MUC13: variants seen among roughly 807,000 people sequenced by gnomAD.
MUC13 encodes mucin 13, cell surface associated.
A neutral mutation model predicts 48.3 loss-of-function variants in MUC13; 32 were observed. The observed-to-expected ratio is 0.66, with a 90% CI of 0.50 to 0.89. MUC13 has a LOEUF of 0.89. Ranked by LOEUF, MUC13 falls within the 40% of genes least tolerant of loss-of-function variation. The pLI is 0.00. For missense variants in MUC13, 571 were observed against 622.8 expected (o/e 0.92, Z 0.88); for synonymous variants, 199 against 224.9 (o/e 0.88, Z 1.03).
chr3:124,920,355 A>T, intron 4 of MUC13, 66 bp from the exon 5 acceptor site: 4 of 1,243,310 alleles, frequency 3.2e-6, no homozygotes, highest in Non-Finnish European at 4.6e-6. Flanking sequence ...CTACAAATCA[A>T]ATGAGGCAGA....
At chr3:124,913,295 A>C in intron 7 of MUC13, 55 bp from the exon 8 acceptor site, 1 of 1,580,542 alleles carries the variant, frequency 6.3e-7, no homozygotes, top group South Asian at 1.2e-5. Context: ...TTTAACCCCA[A>C]AGTCACATGT....
intron 2 of MUC13, among the ~76,000 whole-genome samples, chr3:124,924,666 T>C (rs932473474): frequency 3.3e-5 from 5 of 152,294 alleles, no homozygotes; most frequent in African/African-American, 4.8e-5. Flanking sequence ...ATACAAGGAA[T>C]TGGGCACAGA....
rs768372313 is a variant in MUC13 at position 124,920,273 on chromosome 3, C to T, written c.761G>A (p.Gly254Asp). 1.4e-5 allele frequency: 23 copies of T among 1,605,176 alleles called. No individual in the cohort carries two copies. The highest frequency in any genetic ancestry group is 1.7e-5 in the Non-Finnish European group (20 of 1,175,090). Residue 254 changes from glycine (G) to aspartate (D), a missense_variant, in exon 5 of 12, where the codon GGC becomes GAC. Transcript: ENST00000616727. Reference sequence around the variant, plus strand: ...TACAGTCTGTCCATAAACAGATGTGCCAAATACATCTTTAAACTGTGGAGG... The same window carrying T: ...TACAGTCTGTCCATAAACAGATGTGTCAAATACATCTTTAAACTGTGGAGG... Reference protein sequence around the residue: ...EITSLFKDVFGTSVYGQTVIL... With the variant: ...EITSLFKDVFDTSVYGQTVIL...
In MUC13 at chr3:124,927,423, C is replaced by T. The variant is rs1403557504; in HGVS notation, c.514+109G>A. On this transcript the variant is annotated intron_variant, in intron 2 of 11. Transcript: ENST00000616727. ...GCCCACAGTTCATTTCCAAAGAAAC[C>T]TTGGGCCTCTTTAGACCCATTTTCC... is the stretch of plus-strand genomic sequence containing the variant. 19 of 994,804 alleles carry T rather than the reference C, an allele frequency of 1.9e-5. No homozygotes were observed. In the East Asian group the frequency reaches 4.4e-4, roughly 23 times the overall value. The allele number at this position is 994,804 out of a possible 1,614,324, so 61.6% of individuals were successfully genotyped here.
chr3:124,921,154 C>CTTTT (rs35318002), intron 4 of MUC13, among the ~76,000 whole-genome samples: 3 of 149,918 alleles, frequency 2.0e-5, no homozygotes, highest in Non-Finnish European at 3.0e-5. Flanking sequence ...TCTCTACTTC[C>CTTTT]TTTTTTTTTT....
At chr3:124,919,983 C>T (rs1000122733) in intron 5 of MUC13, among the ~76,000 whole-genome samples, 2 of 152,216 alleles carry the variant, frequency 1.3e-5, no homozygotes, top group African/African-American at 4.8e-5. Flanking sequence ...ACCATGTGCA[C>T]AAGTTGTTGC....
At chr3:124,910,557 T>C in intron 9 of MUC13, 58 bp from the exon 10 acceptor site, 2 of 1,603,790 alleles carry the variant, frequency 1.2e-6, no homozygotes, top group South Asian at 1.1e-5. Context: ...AACTGTCTAC[T>C]GCACAGGTTC....
At chr3:124,914,894 C>A (rs563258987) in intron 6 of MUC13, among the ~76,000 whole-genome samples, 8 of 152,294 alleles carry the variant, frequency 5.3e-5, no homozygotes, top group African/African-American at 1.7e-4. Context: ...CCACTGCACT[C>A]CAGCCTGGGC....
rs763755953 is a variant in MUC13 at position 124,908,240 on chromosome 3, G to T, written c.1446C>A (p.Ser482Arg). Residue 482 changes from serine to arginine, a missense_variant, in exon 11 of 12, where the codon AGC (serine) becomes AGA (arginine). Physicochemically the swap from Ser to Arg is moderately radical, Grantham distance 110. Coordinates refer to ENST00000616727, the MANE Select transcript of MUC13 (RefSeq NM_033049.4). ...TGFTNLGAEG[S>R]VFPKVRITAS... ...CCGTTATCCTGACCTTAGGAAAGAC[G>T]CTCCCTTCTGCTCCAAGATTGGTGA... 5 of 1,614,130 alleles carry T rather than the reference G, an allele frequency of 3.1e-6. No homozygotes were observed. The highest frequency in any genetic ancestry group is 2.2e-5 in the East Asian group (1 of 44,882).
chr3:124,927,511 C>G (rs370433811), intron 2 of MUC13, 21 bp downstream of exon 2: 14 of 1,607,126 alleles, frequency 8.7e-6, no homozygotes, highest in South Asian at 6.6e-5. Context: ...CTTGGGGAGT[C>G]TTTGAGGGAA....
rs781492877 is a variant in MUC13, at chr3:124,927,763, A to C, written c.283T>G (p.Ser95Ala). Residue 95 changes from serine to alanine, a missense_variant, in exon 2 of 12, where the codon TCC becomes GCC. Coordinates refer to ENST00000616727, the MANE Select transcript of MUC13 (RefSeq NM_033049.4). Reference protein sequence around the residue: ...PAPPIISTHSSSTIPIPTAAD... With the variant: ...PAPPIISTHSASTIPIPTAAD... ...GCAGTAGGTATAGGAATTGTGGAGG[A>C]ACTATGTGTACTAATTATGGGGGGA... 1 of 1,606,630 alleles carries C rather than the reference A, an allele frequency of 6.2e-7. No homozygotes were observed. The highest frequency in any genetic ancestry group is 1.7e-5 in the Admixed American group (1 of 59,562).
At chr3:124,923,732 C>T (rs60525593) in intron 2 of MUC13, 83 bp from the exon 3 acceptor site, 71,805 of 1,429,018 alleles carry the variant, frequency 0.05, 2,168 homozygotes, top group African/African-American at 0.11. Flanking sequence ...ATCTTCATGC[C>T]TCCCCCCTGG....
intron 3 of MUC13, 77 bp from the exon 4 acceptor site, chr3:124,922,380 AT>A: frequency 6.7e-7 from 1 of 1,494,976 alleles, no homozygotes. Flanking sequence ...AACATAGATT[AT>A]TTTTTAGAAT....
chr3:124,912,973 A>G (rs2107668222), intron 8 of MUC13, 138 bp downstream of exon 8: 2 of 774,318 alleles, frequency 2.6e-6, no homozygotes, highest in Non-Finnish European at 1.9e-6. Flanking sequence ...TGATGATGAC[A>G]ATGATGAGGA....
rs969504961 is a variant in MUC13 at position 124,908,195 on chromosome 3, C to T, written c.1491G>A (p.Met497Ile). ...TGCTGTGTCTTGAATAGGGATTTTG[C>T]ATCTGGCTGTCTCTGGAGGCCGTTA... ...VRITASRDSQMQNPYSRHSSM... is the reference protein window; with the variant it reads ...VRITASRDSQIQNPYSRHSSM... The change falls in exon 11 of 12, where the codon ATG (methionine) becomes ATA (isoleucine). Residue 497 changes from methionine (M) to isoleucine (I), a missense_variant. Physicochemically the swap from Met to Ile is conservative, Grantham distance 10. Coordinates refer to ENST00000616727, the MANE Select transcript of MUC13 (RefSeq NM_033049.4). 6.2e-7 allele frequency: 1 copy of T among 1,614,178 alleles called. No homozygotes were observed. Among genetic ancestry groups the T allele is most frequent in the African/African-American group, 1.3e-5 (1 of 75,036 alleles).
At chr3:124,916,693 T>C (rs1234059915) in intron 5 of MUC13, among the ~76,000 whole-genome samples, 1 of 152,204 alleles carries the variant, frequency 6.6e-6, no homozygotes, top group Non-Finnish European at 1.5e-5. Context: ...AGGAAACCTA[T>C]GGTGAAAACA....
chr3:124,920,383 C>T, intron 4 of MUC13, 94 bp from the exon 5 acceptor site: 2 of 997,650 alleles, frequency 2.0e-6, no homozygotes, highest in Non-Finnish European at 3.0e-6. Flanking sequence ...AATGCTCTAT[C>T]TAGCTTTTAA....
Position 124,911,946 on chromosome 3 carries a change from C to T in MUC13, c.1252+158G>A, listed in dbSNP as rs144615234. ...GTTCATAACCTAAGGGTGGGCATGGCATGGCAGGACCCAGAAGGCAAACTG... is the reference window on the plus strand; with the variant it reads ...GTTCATAACCTAAGGGTGGGCATGGTATGGCAGGACCCAGAAGGCAAACTG... On this transcript the variant is annotated intron_variant, in intron 9 of 11. Coordinates refer to ENST00000616727, the MANE Select transcript of MUC13 (RefSeq NM_033049.4). Among the ~76,000 whole-genome samples, 1,431 of 152,244 alleles carry T rather than the reference C, an allele frequency of 9.4e-3. 29 individuals carry two copies. Among genetic ancestry groups the T allele is most frequent in the African/African-American group, 0.032 (1,333 of 41,536 alleles).
At chr3:124,931,236 T>G (rs140421196) in intron 1 of MUC13, among the ~76,000 whole-genome samples, 4,958 of 150,744 alleles carry the variant, frequency 0.033, 121 homozygotes, top group Non-Finnish European at 0.051. Flanking sequence ...ATTGTGACCA[T>G]CCTGGCCAAC....
Sources: allele counts gnomAD v4.1 joint callset (sites outside exome capture counted in the v4.1 genomes callset), GRCh38; gene constraint gnomAD v4.1.1; transcripts MANE v1.5; gene names NCBI Gene and HGNC (gene_info 2026-07-23, HGNC 2026-07-21).